Variants in PTPRZ1 observed in about 807,000 individuals in gnomAD.
PTPRZ1 encodes the protein receptor-type tyrosine-protein phosphatase zeta.
In PTPRZ1, 82 loss-of-function variants were observed where a neutral mutation model predicts 214.1. The ratio of observed to expected loss-of-function variants is 0.38; its 90% CI spans 0.32 to 0.46. The LOEUF is 0.46. Ranked by LOEUF, PTPRZ1 falls within the 20% of genes least tolerant of loss-of-function variation. The pLI is 1.00. For synonymous variants in PTPRZ1, 945 were observed against 987.9 expected (o/e 0.96, Z 0.81); for missense variants, 2,603 against 2,748.7 (o/e 0.95, Z 1.19).
At chr7:122,013,941 A>G (rs1371096179) in intron 12 of PTPRZ1, 52 bp downstream of exon 12, 3 of 1,400,554 alleles carry the variant, frequency 2.1e-6, no homozygotes, top group Admixed American at 2.5e-5. Flanking sequence ...TGCTTGCTCT[A>G]AAAGTAAAAT....
intron 1 of PTPRZ1, among the ~76,000 whole-genome samples, chr7:121,905,300 C>CT (rs1005334658): frequency 2.0e-5 from 3 of 152,018 alleles, no homozygotes; most frequent in African/African-American, 7.2e-5. Flanking sequence ...AGAACAGATC[C>CT]TACTACTGTC....
At chr7:122,018,408 T>C (rs961237156) in intron 12 of PTPRZ1, among the ~76,000 whole-genome samples, 1 of 152,242 alleles carries the variant, frequency 6.6e-6, no homozygotes, top group East Asian at 1.9e-4. Context: ...GTGTCATCTT[T>C]TAAAATTAAC....
rs1368416947 is a variant in PTPRZ1, at chr7:121,873,218, CG to C, written c.-281del. The C allele has an allele frequency of 9.4e-6, 4 of 427,300 alleles. No individual in the cohort carries two copies. Among genetic ancestry groups the C allele is most frequent in the African/African-American group, 8.1e-5 (4 of 49,094 alleles). 26.5% of individuals were successfully genotyped at this position (427,300 alleles called of 1,614,324 possible). ...AAAGTCCCGCACGCCGGAGGACATG[CG>C]CCTCGGCTAGCGGCCCCGGGCCCCA... is the stretch of plus-strand genomic sequence containing the variant. On this transcript the variant is annotated 5_prime_UTR_variant, in exon 1 of 30. The change abolishes the stop of an existing upstream ORF in the 5' untranslated region. Coordinates refer to ENST00000393386, the MANE Select transcript of PTPRZ1 (RefSeq NM_002851.3).
intron 2 of PTPRZ1, among the ~76,000 whole-genome samples, chr7:121,943,396 C>T (rs1330350529): frequency 1.3e-5 from 2 of 152,036 alleles, no homozygotes; most frequent in African/African-American, 4.8e-5. Flanking sequence ...AGTGCAGTGG[C>T]GCGATCTCGG....
At chr7:121,914,203 G>A (rs1241478276) in intron 1 of PTPRZ1, among the ~76,000 whole-genome samples, 1 of 152,060 alleles carries the variant, frequency 6.6e-6, no homozygotes, top group Non-Finnish European at 1.5e-5. Context: ...TTTTAGCTGT[G>A]GGTTGCTACA....
chr7:121,893,376 C>T (rs953359547), intron 1 of PTPRZ1, among the ~76,000 whole-genome samples: 1 of 152,162 alleles, frequency 6.6e-6, no homozygotes, highest in Non-Finnish European at 1.5e-5. Context: ...ACCGTGGTGT[C>T]GACATCCAAT....
In PTPRZ1 at chr7:121,913,281, G is replaced by A. The variant is rs1158496214; in HGVS notation, c.59-14875G>A. ...AGGCCCTGAGACCAGGTGCTTGAGG[G>A]AGGCAAGGCTTCCCACTCAGTGTGC... On this transcript the variant is annotated intron_variant, in intron 1 of 29. Coordinates refer to ENST00000393386, the MANE Select transcript of PTPRZ1 (RefSeq NM_002851.3). Among the ~76,000 whole-genome samples the A allele has an allele frequency of 5.3e-5, 8 of 152,142 alleles. No homozygotes were observed. The East Asian group carries it at 1.5e-3, about 29-fold the overall frequency.
At chr7:121,898,324 CAGA>C (rs1056443879) in intron 1 of PTPRZ1, among the ~76,000 whole-genome samples, 5 of 151,306 alleles carry the variant, frequency 3.3e-5, no homozygotes, top group African/African-American at 4.9e-5. Flanking sequence ...TGGAGAAATT[CAGA>C]AGAAGCAGGA....
At chr7:121,912,355 G>A (rs1366318523) in intron 1 of PTPRZ1, among the ~76,000 whole-genome samples, 2 of 152,134 alleles carry the variant, frequency 1.3e-5, no homozygotes, top group Non-Finnish European at 2.9e-5. Flanking sequence ...TACTCATTCT[G>A]TATCCAGGAA....
intron 2 of PTPRZ1, among the ~76,000 whole-genome samples, chr7:121,955,344 A>G (rs1307975607): frequency 6.6e-6 from 1 of 152,240 alleles, no homozygotes; most frequent in East Asian, 1.9e-4. Flanking sequence ...AAGAGGGCTT[A>G]TGATGACCCT....
intron 10 of PTPRZ1, among the ~76,000 whole-genome samples, chr7:122,004,320 C>T (rs192586910): frequency 3.9e-5 from 6 of 152,164 alleles, no homozygotes; most frequent in South Asian, 2.1e-4. Flanking sequence ...ACCTCCTCTC[C>T]GTTCTTAGCT....
chr7:121,884,208 G>T (rs1272217261), intron 1 of PTPRZ1, among the ~76,000 whole-genome samples: 4 of 151,998 alleles, frequency 2.6e-5, no homozygotes, highest in Admixed American at 6.6e-5. Flanking sequence ...AGTTTCCTTT[G>T]ATGGCTTTCA....
At chr7:121,955,787 G>T (rs975094184) in intron 2 of PTPRZ1, among the ~76,000 whole-genome samples, 17 of 152,166 alleles carry the variant, frequency 1.1e-4, no homozygotes, top group African/African-American at 3.9e-4. Flanking sequence ...GTGGTGTCTT[G>T]TCAGTGGGGT....
chr7:121,938,530 T>C (rs1486594449), intron 2 of PTPRZ1, among the ~76,000 whole-genome samples: 1 of 152,236 alleles, frequency 6.6e-6, no homozygotes, highest in Non-Finnish European at 1.5e-5. Context: ...GTTAAGCTCC[T>C]GCCTTCCCAT....
intron 1 of PTPRZ1, among the ~76,000 whole-genome samples, chr7:121,911,205 ATTC>A (rs1198414095): frequency 2.0e-5 from 3 of 152,084 alleles, no homozygotes; most frequent in Non-Finnish European, 4.4e-5. Context: ...ATAGTATTCT[ATTC>A]TTATTTATAA....
At chr7:121,880,431 T>A (rs1415575185) in intron 1 of PTPRZ1, among the ~76,000 whole-genome samples, 3 of 152,156 alleles carry the variant, frequency 2.0e-5, no homozygotes, top group Non-Finnish European at 4.4e-5. Flanking sequence ...CTACCCTCTC[T>A]CTCTGCCTTC....
intron 16 of PTPRZ1, 55 bp downstream of exon 16, chr7:122,034,170 A>T (rs1385740238): frequency 3.2e-6 from 5 of 1,569,162 alleles, no homozygotes; most frequent in African/African-American, 1.4e-5. Flanking sequence ...TGTAACTTTT[A>T]AAAAATTTCA....
intron 6 of PTPRZ1, among the ~76,000 whole-genome samples, chr7:121,980,690 T>C (rs1378482974): frequency 2.0e-5 from 3 of 152,266 alleles, no homozygotes; most frequent in Non-Finnish European, 1.5e-5. Flanking sequence ...CAGAAGTTTC[T>C]GTTACAGAAA....
Position 122,034,353 on chromosome 7 carries a change from G to T in PTPRZ1, c.5259G>T (p.Lys1753Asn), listed in dbSNP as rs771924508. The T allele has an allele frequency of 6.2e-7, 1 of 1,613,226 alleles. No individual in the cohort carries two copies. Among genetic ancestry groups the T allele is most frequent in the Non-Finnish European group, 8.5e-7 (1 of 1,179,508 alleles). The change falls in exon 17 of 30, where the codon AAG becomes AAT. Residue 1753 changes from lysine (K) to asparagine (N), a missense_variant. Physicochemically the swap from Lys to Asn is moderately conservative, Grantham distance 94. Around this residue, in one of 6 missense-constraint regions of PTPRZ1, gnomAD observed 1,913 missense variants for 1,914.3 expected, o/e 1.00. Coordinates refer to ENST00000393386, the MANE Select transcript of PTPRZ1 (RefSeq NM_002851.3). Reference protein sequence around the residue: ...DSSNHPDNKHKNRYINIVAYD... With the variant: ...DSSNHPDNKHNNRYINIVAYD... ...CCAACCACCCAGACAACAAGCACAA[G>T]AATCGATACATAAATATCGTTGCCT... is the stretch of plus-strand genomic sequence containing the variant.
Sources: allele counts gnomAD v4.1 joint callset (sites outside exome capture counted in the v4.1 genomes callset), GRCh38; gene constraint gnomAD v4.1.1; regional missense constraint gnomAD v4.1.1; transcripts MANE v1.5; gene names NCBI Gene and HGNC (gene_info 2026-07-23, HGNC 2026-07-21).